TRRAP: variants seen among roughly 807,000 people sequenced by gnomAD.
TRRAP encodes the protein transformation/transcription domain associated protein.
Under a neutral mutation model 438.8 loss-of-function variants are expected in TRRAP, and 41 were observed. The ratio of observed to expected loss-of-function variants is 0.09; its 90% CI spans 0.07 to 0.12. The LOEUF (loss-of-function observed/expected upper bound fraction) is 0.12. TRRAP is among the 10% of genes least tolerant of loss of function. TRRAP has a pLI of 1.00. For synonymous variants in TRRAP, 1,994 were observed against 1,962.9 expected (o/e 1.02, Z -0.42); for missense variants, 3,122 against 5,055.1 (o/e 0.62, Z 11.60).
At chr7:98,955,014 G>A (rs1791531444) in intron 40 of TRRAP, 84 bp from the exon 41 acceptor site, 3 of 1,397,060 alleles carry the variant, frequency 2.1e-6, no homozygotes, top group Non-Finnish European at 2.9e-6. Context: ...TGGAAAAGTA[G>A]CATGTCTTGA....
chr7:98,963,974 G>A (rs1404846010), intron 47 of TRRAP, among the ~76,000 whole-genome samples: 2 of 151,780 alleles, frequency 1.3e-5, no homozygotes, highest in African/African-American at 4.8e-5. Flanking sequence ...CCACCTACTC[G>A]GGAGGCTGAG....
chr7:98,928,153 G>A lies in TRRAP; in HGVS notation c.3175+787G>A, dbSNP rs139037032. The stretch of plus-strand genomic sequence containing the variant: ...CTCGGGAGGCTGAGGCAGGAGAATC[G>A]CTTGAACCTGGGAGGCGGAGGTTGT... On this transcript the variant is annotated intron_variant, in intron 23 of 72. Transcript: ENST00000456197. Among the ~76,000 whole-genome samples the A allele has an allele frequency of 3.5e-4, 53 of 152,154 alleles. No homozygotes were observed. The East Asian group carries it at 8.7e-3, about 25-fold the overall frequency.
At chr7:98,880,532 G>C (rs1171731404) in intron 1 of TRRAP, among the ~76,000 whole-genome samples, 3 of 152,108 alleles carry the variant, frequency 2.0e-5, no homozygotes, top group African/African-American at 7.2e-5. Context: ...AAAGTGCTGG[G>C]ATTCCAGGCG....
intron 58 of TRRAP, 81 bp from the exon 59 acceptor site, chr7:98,981,688 A>G (rs1432921262): frequency 1.5e-5 from 22 of 1,448,314 alleles, no homozygotes; most frequent in Non-Finnish European, 1.8e-5. Flanking sequence ...GACCAAAAAA[A>G]GTGATCTTTT....
chr7:98,953,577 A>G (rs1417882071), intron 40 of TRRAP, 144 bp downstream of exon 40: 12 of 1,256,494 alleles, frequency 9.6e-6, no homozygotes, highest in Non-Finnish European at 1.3e-5. Flanking sequence ...GTATGATTCC[A>G]CTTAGAAGAC....
chr7:98,933,137 A>AT (rs1790403395), intron 26 of TRRAP, 104 bp from the exon 27 acceptor site: 1 of 1,404,754 alleles, frequency 7.1e-7, no homozygotes, highest in African/African-American at 1.4e-5. Context: ...ATGAGAAGAT[A>AT]TCTGTAATAA....
At chr7:98,954,336 C>T (rs1488443295) in intron 40 of TRRAP, among the ~76,000 whole-genome samples, 1 of 152,252 alleles carries the variant, frequency 6.6e-6, no homozygotes, top group Non-Finnish European at 1.5e-5. Context: ...ATACTCCACT[C>T]GAGCATGCGG....
At chr7:98,978,453 A>G (rs1200429048) in intron 57 of TRRAP, 130 bp downstream of exon 57, 4 of 845,254 alleles carry the variant, frequency 4.7e-6, no homozygotes, top group Admixed American at 2.8e-5. Context: ...TAAAGAACAA[A>G]TAGAAACCCA....
At chr7:98,892,555 G>A (rs544525121) in intron 5 of TRRAP, 27 bp downstream of exon 5, 28 of 1,522,298 alleles carry the variant, frequency 1.8e-5, no homozygotes, top group Middle Eastern at 3.7e-4. Context: ...AATTCTTGTC[G>A]TATAGCCGTA....
chr7:98,979,459 A>G (rs1340499864), intron 58 of TRRAP, among the ~76,000 whole-genome samples: 2 of 152,222 alleles, frequency 1.3e-5, no homozygotes, highest in African/African-American at 2.4e-5. Flanking sequence ...GAATGACAAG[A>G]AAAAGCTCTG....
chr7:98,950,143 T>G lies in TRRAP; in HGVS notation c.5215T>G (p.Leu1739Val), dbSNP rs1554417900. The G allele has an allele frequency of 6.2e-7, 1 of 1,614,134 alleles. No homozygotes were observed. Among genetic ancestry groups the G allele is most frequent in the African/African-American group, 1.3e-5 (1 of 74,944 alleles). Residue 1739 changes from leucine (L) to valine (V), a missense_variant, in exon 38 of 73, where the codon TTA (leucine) becomes GTA (valine). Physicochemically the swap from Leu to Val is conservative, Grantham distance 32. Around this residue, in one of 24 missense-constraint regions of TRRAP, gnomAD observed 272 missense variants for 348.5 expected, o/e 0.78. Transcript: ENST00000456197. ...TCGTTTTCTCTGCAACATGACATTC[T>G]TAAAAGAGTATATGGAGGAAGAGAT... is the stretch of plus-strand genomic sequence containing the variant. Reference protein sequence around the residue: ...TGRFLCNMTFLKEYMEEEIPK... With the variant: ...TGRFLCNMTFVKEYMEEEIPK...
chr7:98,967,640 C>T lies in TRRAP; in HGVS notation c.7454C>T (p.Thr2485Ile), dbSNP rs368775774. The change falls in exon 51 of 73, where the codon ACC becomes ATC. Residue 2485 changes from threonine to isoleucine, a missense_variant. Physicochemically the swap from Thr to Ile is moderately conservative, Grantham distance 89. Around this residue, in one of 24 missense-constraint regions of TRRAP, gnomAD observed 992 missense variants for 1,281.2 expected, o/e 0.77. Coordinates refer to ENST00000456197, the MANE Select transcript of TRRAP (RefSeq NM_001375524.1). Reference protein sequence around the residue: ...RRVYERLLYVTCSQNWEAMGN... With the variant: ...RRVYERLLYVICSQNWEAMGN... The stretch of plus-strand genomic sequence containing the variant: ...GTCTACGAGCGCTTGCTCTATGTGA[C>T]CTGTTCGCAGAACTGGGAAGCCATG... 34 of 1,613,934 alleles carry T rather than the reference C, an allele frequency of 2.1e-5. 1 individual carries two copies. The highest frequency in any genetic ancestry group is 2.0e-4 in the East Asian group (9 of 44,866).
At chr7:98,921,623 G>C (rs532385728) in intron 20 of TRRAP, 130 bp from the exon 21 acceptor site, 2 of 1,223,418 alleles carry the variant, frequency 1.6e-6, no homozygotes, top group East Asian at 4.9e-5. Flanking sequence ...TGATCTACCC[G>C]CCTTAGCCTC....
chr7:98,970,100 C>T lies in TRRAP; in HGVS notation c.7513-12C>T, dbSNP rs1415113090. ...ATGCCTTGGGTCTGTCTCCTTTCCG[C>T]ACCCCTTGCAGCTGCTTCTGGCCGT... On this transcript the variant is annotated splice_polypyrimidine_tract_variant and intron_variant, in intron 51 of 72. Coordinates refer to ENST00000456197, the MANE Select transcript of TRRAP (RefSeq NM_001375524.1). 1.9e-6 allele frequency: 3 copies of T among 1,612,922 alleles called. No homozygotes were observed. The African/African-American group carries it at 4.0e-5, about 22-fold the overall frequency.
chr7:98,946,695 C>T (rs1791093951), intron 33 of TRRAP, among the ~76,000 whole-genome samples: 1 of 152,176 alleles, frequency 6.6e-6, no homozygotes, highest in Non-Finnish European at 1.5e-5. Flanking sequence ...CACATGCACA[C>T]ACACACTGAT....
Position 98,961,391 on chromosome 7 carries a change from G to T in TRRAP, c.6620G>T (p.Cys2207Phe). 6.2e-7 allele frequency: 1 copy of T among 1,614,228 alleles called. No homozygotes were observed. Among genetic ancestry groups the T allele is most frequent in the Non-Finnish European group, 8.5e-7 (1 of 1,180,040 alleles). Residue 2207 changes from cysteine (C) to phenylalanine (F), a missense_variant, in exon 46 of 73, where the codon TGC becomes TTC. Coordinates refer to ENST00000456197, the MANE Select transcript of TRRAP (RefSeq NM_001375524.1). ...FKPLQRGIAA[C>F]MTCGNTKVLR... ...CCTCTGCAGCGTGGAATTGCCGCCTGCATGACATGTGGAAACACCAAGGTG... is the reference window on the plus strand; with the variant it reads ...CCTCTGCAGCGTGGAATTGCCGCCTTCATGACATGTGGAAACACCAAGGTG...
At chr7:98,978,525 C>T (rs1227027539) in intron 57 of TRRAP, among the ~76,000 whole-genome samples, 3 of 152,224 alleles carry the variant, frequency 2.0e-5, no homozygotes, top group Admixed American at 2.0e-4. Flanking sequence ...TAAACTGTCC[C>T]TGCATCTCCC....
chr7:98,938,996 A>G (rs1398582288), intron 30 of TRRAP, among the ~76,000 whole-genome samples: 1 of 152,240 alleles, frequency 6.6e-6, no homozygotes, highest in Non-Finnish European at 1.5e-5. Flanking sequence ...ATTATGCAGG[A>G]AAAAACCCAT....
intron 62 of TRRAP, among the ~76,000 whole-genome samples, chr7:98,985,319 A>G (rs536124790): frequency 6.6e-6 from 1 of 152,378 alleles, no homozygotes; most frequent in South Asian, 2.1e-4. Flanking sequence ...CCATTTCCTC[A>G]GTCCGCCATT....
Sources: gnomAD v4.1 joint callset for allele counts (sites outside exome capture counted in the v4.1 genomes callset) on GRCh38, gnomAD v4.1.1 for gene constraint, gnomAD v4.1.1 regional missense constraint, MANE v1.5 for transcripts, NCBI Gene and HGNC (gene_info 2026-07-23, HGNC 2026-07-21) for gene names.